ACOX1: variants seen among roughly 807,000 people sequenced by gnomAD.
The protein encoded by ACOX1 is peroxisomal acyl-coenzyme A oxidase 1.
A neutral mutation model predicts 75.5 loss-of-function variants in ACOX1; 41 were observed. The observed-to-expected ratio is 0.54, with a 90% confidence interval of 0.42 to 0.70. The LOEUF (loss-of-function observed/expected upper bound fraction) is 0.70, where lower values mean the gene tolerates loss of function less well. ACOX1 is among the 30% of genes least tolerant of loss of function. ACOX1 has a pLI of 0.00. For missense variants in ACOX1, 630 were observed against 837.5 expected (o/e 0.75, Z 3.06); for synonymous variants, 303 against 298.8 (o/e 1.01, Z -0.15).
In ACOX1 at chr17:75,953,620, C is replaced by T; in HGVS notation, c.775G>A (p.Val259Met). 3 of 1,614,056 alleles carry T rather than the reference C, an allele frequency of 1.9e-6. No homozygotes were observed. Among genetic ancestry groups the T allele is most frequent in the Non-Finnish European group, 2.5e-6 (3 of 1,179,930 alleles). The change falls in exon 7 of 14, where the codon GTG becomes ATG. Residue 259 changes from valine to methionine, a missense_variant and splice_region_variant. Transcript: ENST00000293217. Reference protein sequence around the residue: ...RENMLMKYAQVKPDGTYVKPL... With the variant: ...RENMLMKYAQMKPDGTYVKPL... The stretch of plus-strand genomic sequence containing the variant: ...TTCACGTATGTGCCATCAGGCTTCA[C>T]CTGGAAGAAGAACGTGGAACTGATA...
rs2065673767 is a variant in ACOX1, at chr17:75,941,898, C to T, written c.*4850G>A. ...TGGAAGGTGGAAGATCACACATTTA[C>T]TAAGAAACACTCAAAACATATTTTG... On this transcript the variant is annotated 3_prime_UTR_variant, in exon 14 of 14. Coordinates refer to ENST00000293217, the MANE Select transcript of ACOX1 (RefSeq NM_004035.7). 6.6e-6 allele frequency: 1 copy of T among 152,174 alleles called. No homozygotes were observed. Among genetic ancestry groups the T allele is most frequent in the Non-Finnish European group, 1.5e-5 (1 of 68,038 alleles). The allele number at this position is 152,174 out of a possible 1,614,324, so 9.4% of individuals were successfully genotyped here. A position where few individuals can be genotyped will look rare whatever the true frequency, so the allele number is the denominator to read the frequency against.
intron 2 of ACOX1, among the ~76,000 whole-genome samples, chr17:75,968,815 A>G (rs1385509308): frequency 6.6e-6 from 1 of 150,848 alleles, no homozygotes; most frequent in African/African-American, 2.4e-5. Flanking sequence ...CCAGCTACTC[A>G]GGAGGCCGAG....
Position 75,942,319 on chromosome 17 carries a change from T to C in ACOX1, c.*4429A>G, listed in dbSNP as rs2065678603. The C allele has an allele frequency of 6.6e-6, 1 of 151,322 alleles. No individual in the cohort carries two copies. The highest frequency in any genetic ancestry group is 6.6e-5 in the Admixed American group (1 of 15,160). 9.4% of individuals were successfully genotyped at this position (151,322 alleles called of 1,614,324 possible). ...TGGTGGCAGGCGCTGTAATCCCAGC[T>C]TCTCAGGAGGCTGAGGCAGAGAATT... On this transcript the variant is annotated 3_prime_UTR_variant, in exon 14 of 14. Transcript: ENST00000293217.
chr17:75,979,107 A>G lies in ACOX1; in HGVS notation c.-34T>C, dbSNP rs377267395. 2.6e-5 allele frequency: 42 copies of G among 1,606,950 alleles called. No homozygotes were observed. The African/African-American group carries it at 5.5e-4, about 21-fold the overall frequency. On this transcript the variant is annotated 5_prime_UTR_variant, in exon 1 of 14. Coordinates refer to ENST00000293217, the MANE Select transcript of ACOX1 (RefSeq NM_004035.7). ...CCAGCTGGCAGCGAAGTAAGCACCG[A>G]CCGAGGTGGCAGTGACAATCTAAAT...
chr17:75,948,318 C>A lies in ACOX1; in HGVS notation c.1868G>T (p.Arg623Leu). 1.2e-6 allele frequency: 2 copies of A among 1,614,090 alleles called. No homozygotes were observed. Among genetic ancestry groups the A allele is most frequent in the East Asian group, 2.2e-5 (1 of 44,878 alleles). ...QDVTLGSVLG[R>L]YDGNVYENLF... ...GTTTTCATACACATTCCCATCATAG[C>A]GGCCAAGCACAGAGCCAAGTGTCAC... The change falls in exon 13 of 14, where the codon CGC becomes CTC. Residue 623 changes from arginine to leucine, a missense_variant. Physicochemically the swap from Arg to Leu is moderately radical, Grantham distance 102. Coordinates refer to ENST00000293217, the MANE Select transcript of ACOX1 (RefSeq NM_004035.7).
At chr17:75,973,181 C>T (rs1183730090) in intron 2 of ACOX1, 2 of 180,820 alleles carry the variant, frequency 1.1e-5, no homozygotes, top group African/African-American at 4.8e-5. Flanking sequence ...CCTTATAACC[C>T]TGCTAGTGGG....
Position 75,946,420 on chromosome 17 carries a change from G to T in ACOX1, c.*328C>A. The T allele has an allele frequency of 2.8e-6, 1 of 362,590 alleles. No homozygotes were observed. Among genetic ancestry groups the T allele is most frequent in the South Asian group, 2.3e-5 (1 of 43,476 alleles). 22.5% of individuals were successfully genotyped at this position (362,590 alleles called of 1,614,324 possible). A position where few individuals can be genotyped will look rare whatever the true frequency, so the allele number is the denominator to read the frequency against. ...AGCCAGTGATTAGCAATTAAAATGT[G>T]AAAATAATCAACTACTCAGTAGTTA... On this transcript the variant is annotated 3_prime_UTR_variant, in exon 14 of 14. Coordinates refer to ENST00000293217, the MANE Select transcript of ACOX1 (RefSeq NM_004035.7).
chr17:75,957,293 C>T (rs934722886), intron 4 of ACOX1, 166 bp downstream of exon 4: 1 of 669,058 alleles, frequency 1.5e-6, no homozygotes, highest in Non-Finnish European at 2.7e-6. Context: ...ATTAACCAGG[C>T]TGGTCTTGAA....
chr17:75,963,423 C>T (rs555195525), intron 2 of ACOX1, among the ~76,000 whole-genome samples: 6 of 152,020 alleles, frequency 3.9e-5, no homozygotes, highest in South Asian at 2.1e-4. Flanking sequence ...GACTGCAGGC[C>T]GGGCGCGGTG....
At chr17:75,956,024 A>G (rs1328819047) in intron 4 of ACOX1, 77 bp from the exon 5 acceptor site, 1 of 1,591,374 alleles carries the variant, frequency 6.3e-7, no homozygotes, top group African/African-American at 1.3e-5. Context: ...AGAAGAAAGA[A>G]TATGTTAAAT....
At position 75,941,862 on chromosome 17, in the gene ACOX1, C is replaced by T. The variant is rs879522639; in HGVS notation, c.*4886G>A. The stretch of plus-strand genomic sequence containing the variant: ...AAAGGCATTTATGAAGTGTAGTCCG[C>T]AGTCTGAATGTGGAAGGTGGAAGAT... On this transcript the variant is annotated 3_prime_UTR_variant, in exon 14 of 14. Coordinates refer to ENST00000293217, the MANE Select transcript of ACOX1 (RefSeq NM_004035.7). The T allele has an allele frequency of 6.6e-6, 1 of 152,202 alleles. No homozygotes were observed. The highest frequency in any genetic ancestry group is 1.5e-5 in the Non-Finnish European group (1 of 68,048). The allele number at this position is 152,202 out of a possible 1,614,324, so 9.4% of individuals were successfully genotyped here. A position where few individuals can be genotyped will look rare whatever the true frequency, so the allele number is the denominator to read the frequency against.
At chr17:75,976,991 CTTTTTTTTTTTT>C (rs1019883355) in intron 2 of ACOX1, among the ~76,000 whole-genome samples, 4 of 78,902 alleles carry the variant, frequency 5.1e-5, no homozygotes, top group Admixed American at 1.6e-4. Context: ...GCAAAAAAGT[CTTTTTTTTTTTT>C]TTTTTTTTTT....
Position 75,950,937 on chromosome 17 carries a change from C to A in ACOX1, c.1135G>T (p.Ala379Ser). 6.2e-7 allele frequency: 1 copy of A among 1,614,138 alleles called. No homozygotes were observed. ...ELHALTAGLK[A>S]FTSWTANTGI... ...GTGTTTGCAGTCCAGGAGGTGAAAG[C>A]CTTCAGTCCAGCGGTGAGGGCATGA... The change falls in exon 9 of 14, where the codon GCT (alanine) becomes TCT (serine). Residue 379 changes from alanine to serine, a missense_variant. Physicochemically the swap from Ala to Ser is moderately conservative, Grantham distance 99 (BLOSUM62 1). Coordinates refer to ENST00000293217, the MANE Select transcript of ACOX1 (RefSeq NM_004035.7). This position sits in a 1 kb window ranked among gnomAD's most constrained non-coding sequence, Gnocchi z 4.3.
At chr17:75,947,058 T>G (rs575486540) in intron 13 of ACOX1, among the ~76,000 whole-genome samples, 3 of 151,844 alleles carry the variant, frequency 2.0e-5, no homozygotes, top group African/African-American at 7.2e-5. Flanking sequence ...TTTGTAGAGA[T>G]GGGGGTTTAC....
In ACOX1 at chr17:75,949,870, C is replaced by T; in HGVS notation, c.1326G>A (p.Val442=). 1 of 1,614,212 alleles carries T rather than the reference C, an allele frequency of 6.2e-7. No individual in the cohort carries two copies. The highest frequency in any genetic ancestry group is 8.5e-7 in the Non-Finnish European group (1 of 1,180,038). The part of the protein sequence containing the change: ...ARFLMKSYDQ[V]HSGKLVCGMV... ...TGCCACACACCAACTTTCCTGAGTG[C>T]ACCTGATCATAACTTTTCATCAGGA... The change falls in exon 10 of 14, where the codon GTG becomes GTA. Residue 442 remains valine, a synonymous_variant. Transcript: ENST00000293217.
Position 75,960,162 on chromosome 17 carries a change from G to T in ACOX1, c.430+53C>A. 2 of 1,609,868 alleles carry T rather than the reference G, an allele frequency of 1.2e-6. No homozygotes were observed. The highest frequency in any genetic ancestry group is 1.9e-4 in the Middle Eastern group (1 of 5,400). ...GGCACATGGTGGGCACTCCACACAT[G>T]GTAAGCTCACAGGGGCCCGCCCAAC... is the stretch of plus-strand genomic sequence containing the variant. On this transcript the variant is annotated intron_variant, in intron 3 of 13. Coordinates refer to ENST00000293217, the MANE Select transcript of ACOX1 (RefSeq NM_004035.7). This position sits in a 1 kb window ranked among gnomAD's most constrained non-coding sequence, Gnocchi z 4.4.
chr17:75,953,847 G>C (rs78690055), intron 6 of ACOX1, among the ~76,000 whole-genome samples: 153 of 152,370 alleles, frequency 1.0e-3, no homozygotes, highest in Middle Eastern at 3.4e-3. Context: ...GCATGCAAAA[G>C]TTTGAGAATC....
At position 75,946,453 on chromosome 17, in the gene ACOX1, C is replaced by T. The variant is rs933224551; in HGVS notation, c.*295G>A. On this transcript the variant is annotated 3_prime_UTR_variant, in exon 14 of 14. Coordinates refer to ENST00000293217, the MANE Select transcript of ACOX1 (RefSeq NM_004035.7). ...TCAACTACTCAGTAGTTAAATTCTG[C>T]TAATTATCAAAAGTCATAGTCTACT... 7.5e-6 allele frequency: 3 copies of T among 398,258 alleles called. No homozygotes were observed. Among genetic ancestry groups the T allele is most frequent in the Non-Finnish European group, 1.4e-5 (3 of 210,108 alleles). The allele number at this position is 398,258 out of a possible 1,614,324, so 24.7% of individuals were successfully genotyped here.
chr17:75,973,887 A>G (rs1567889452), intron 2 of ACOX1: 19 of 1,150,864 alleles, frequency 1.7e-5, no homozygotes, highest in Non-Finnish European at 2.4e-5. Context: ...AAGGTCAGGA[A>G]AATGTAAACC....
Sources: allele counts gnomAD v4.1 joint callset (sites outside exome capture counted in the v4.1 genomes callset), GRCh38; gene constraint gnomAD v4.1.1; non-coding constraint Gnocchi (gnomAD v3.1); transcripts MANE v1.5; gene names NCBI Gene and HGNC (gene_info 2026-07-23, HGNC 2026-07-21).